DPP10: variants seen among roughly 807,000 people sequenced by gnomAD.
DPP10 encodes dipeptidyl peptidase like 10.
Under a neutral mutation model 120.9 loss-of-function variants are expected in DPP10, and 33 were observed. The ratio of observed to expected loss-of-function variants is 0.27; its 90% CI spans 0.21 to 0.37. The LOEUF is 0.37. Ranked by LOEUF, DPP10 falls within the 10% of genes least tolerant of loss-of-function variation. The pLI, the probability that DPP10 is intolerant of heterozygous loss-of-function variation, is 1.00. For missense variants in DPP10, 816 were observed against 942.8 expected, an observed-to-expected ratio of 0.87 and a Z score of 1.76; for synonymous variants, 337 against 326.1, an observed-to-expected ratio of 1.03 and a Z score of -0.36.
intron 3 of DPP10, among the ~76,000 whole-genome samples, chr2:115,373,902 A>T (rs1001161151): frequency 4.0e-5 from 6 of 151,368 alleles, no homozygotes; most frequent in Admixed American, 6.6e-5. Context: ...AGAGAGAGAG[A>T]GAGTGAAATG....
At chr2:115,336,004 A>G (rs2063107052) in intron 2 of DPP10, among the ~76,000 whole-genome samples, 2 of 152,106 alleles carry the variant, frequency 1.3e-5, no homozygotes, top group Admixed American at 6.6e-5. Context: ...TATTTTGAAT[A>G]GGATTTAAAT....
chr2:115,335,470 A>G (rs2106205097), intron 2 of DPP10, among the ~76,000 whole-genome samples: 1 of 152,168 alleles, frequency 6.6e-6, no homozygotes, highest in South Asian at 2.1e-4. Flanking sequence ...CAAATGACAT[A>G]AATTTAGACC....
chr2:115,264,729 AT>A (rs1315947481), intron 1 of DPP10, among the ~76,000 whole-genome samples: 1 of 152,216 alleles, frequency 6.6e-6, no homozygotes, highest in East Asian at 1.9e-4. Flanking sequence ...GATGTCACAT[AT>A]TTTGGAATGA....
At chr2:115,484,148 C>CAA (rs796822309) in intron 3 of DPP10, among the ~76,000 whole-genome samples, 1 of 151,708 alleles carries the variant, frequency 6.6e-6, no homozygotes, top group Admixed American at 6.6e-5. Flanking sequence ...CACCCCCCCC[C>CAA]CACACACAAA....
At chr2:114,752,168 C>T (rs1679293702) in intron 1 of DPP10, among the ~76,000 whole-genome samples, 1 of 152,174 alleles carries the variant, frequency 6.6e-6, no homozygotes, top group Non-Finnish European at 1.5e-5. Context: ...CTGCTGCTCC[C>T]AACTGATTTG....
chr2:114,894,345 A>T (rs1692791899), intron 1 of DPP10, among the ~76,000 whole-genome samples: 1 of 152,166 alleles, frequency 6.6e-6, no homozygotes, highest in African/African-American at 2.4e-5. Flanking sequence ...TACCTTCCTA[A>T]GTAACTCTAA....
intron 1 of DPP10, among the ~76,000 whole-genome samples, chr2:114,840,129 C>T (rs1020777155): frequency 2.0e-5 from 3 of 152,124 alleles, no homozygotes; most frequent in Non-Finnish European, 2.9e-5. Context: ...AATCAGTATG[C>T]AGTATCAATT....
At chr2:115,662,658 A>G (rs932946079) in intron 5 of DPP10, among the ~76,000 whole-genome samples, 1 of 152,216 alleles carries the variant, frequency 6.6e-6, no homozygotes, top group Non-Finnish European at 1.5e-5. Flanking sequence ...GATATGGAGA[A>G]AAGGAAACCC....
intron 1 of DPP10, among the ~76,000 whole-genome samples, chr2:115,168,125 C>A (rs1052740337): frequency 6.6e-6 from 1 of 151,860 alleles, no homozygotes; most frequent in African/African-American, 2.4e-5. Flanking sequence ...TGGGGAGGGG[C>A]ATGGAATTGG....
chr2:115,288,179 T>C (rs929497502), intron 1 of DPP10, among the ~76,000 whole-genome samples: 1 of 152,114 alleles, frequency 6.6e-6, no homozygotes, highest in African/African-American at 2.4e-5. Flanking sequence ...GCACCAACAT[T>C]TACTGTTTTT....
chr2:115,625,341 A>G (rs1043003310), intron 5 of DPP10, among the ~76,000 whole-genome samples: 1 of 152,184 alleles, frequency 6.6e-6, no homozygotes, highest in African/African-American at 2.4e-5. Flanking sequence ...TAAGAGTTAT[A>G]GTGTGCTAAG....
In DPP10 at chr2:114,856,104, GGCATT is replaced by G. The variant is rs1264773960; in HGVS notation, c.60+413271_60+413275del. On this transcript the variant is annotated intron_variant, in intron 1 of 25. Coordinates refer to ENST00000410059, the MANE Select transcript of DPP10 (RefSeq NM_020868.6). ...AAAGAGAGATCTGAACACTGGACCAGGCATTGCATGTAAGAAAGTATTAAAATTGG... is the reference window on the plus strand; with the variant it reads ...AAAGAGAGATCTGAACACTGGACCAGGCATGTAAGAAAGTATTAAAATTGG... 3.3e-5 allele frequency among the ~76,000 whole-genome samples: 5 copies of G among 152,146 alleles called. No individual in the cohort carries two copies. In the East Asian group the frequency reaches 9.6e-4, roughly 29 times the overall value.
chr2:115,494,393 A>G (rs2076285627), intron 3 of DPP10, among the ~76,000 whole-genome samples: 3 of 152,280 alleles, frequency 2.0e-5, no homozygotes, highest in Middle Eastern at 3.4e-3. Context: ...TGTGCATGCA[A>G]TGAGATCTTG....
intron 1 of DPP10, among the ~76,000 whole-genome samples, chr2:114,886,359 C>T (rs1270219957): frequency 6.6e-6 from 1 of 152,198 alleles, no homozygotes; most frequent in East Asian, 1.9e-4. Context: ...ACCCCTATTA[C>T]TAAGCTCTGT....
chr2:115,342,291 C>T (rs886394988), intron 2 of DPP10: 7 of 314,960 alleles, frequency 2.2e-5, no homozygotes, highest in Non-Finnish European at 4.4e-5. Context: ...ACTGCAGCCT[C>T]CGCCTCCTGT....
At chr2:114,463,995 A>G (rs1025068985) in intron 1 of DPP10, among the ~76,000 whole-genome samples, 3 of 152,190 alleles carry the variant, frequency 2.0e-5, no homozygotes, top group Non-Finnish European at 4.4e-5. Context: ...CTTTATTGCT[A>G]AGTAATATTA....
chr2:115,290,665 G>C (rs921120458), intron 1 of DPP10, among the ~76,000 whole-genome samples: 1 of 152,200 alleles, frequency 6.6e-6, no homozygotes, highest in East Asian at 1.9e-4. Context: ...CCAAAGTATT[G>C]CTGACACGGG....
At chr2:115,522,309 A>G (rs1319738254) in intron 4 of DPP10, among the ~76,000 whole-genome samples, 2 of 152,138 alleles carry the variant, frequency 1.3e-5, no homozygotes, top group African/African-American at 4.8e-5. Context: ...CCCTTGCTCT[A>G]CCAGTGACTA....
intron 5 of DPP10, among the ~76,000 whole-genome samples, chr2:115,597,329 C>G (rs918459564): frequency 6.6e-6 from 1 of 151,796 alleles, no homozygotes; most frequent in Admixed American, 6.6e-5. Flanking sequence ...CCAAAGAGAT[C>G]AGGTAAGGCA....
Sources: gnomAD v4.1 joint callset for allele counts (sites outside exome capture counted in the v4.1 genomes callset) on GRCh38, gnomAD v4.1.1 for gene constraint, MANE v1.5 for transcripts, NCBI Gene and HGNC (gene_info 2026-07-23, HGNC 2026-07-21) for gene names.